ELMOD1: variants seen among roughly 807,000 people sequenced by gnomAD.
ELMOD1 encodes the protein ELMO domain containing 1.
Under a neutral mutation model 46.7 loss-of-function variants are expected in ELMOD1, and 21 were observed. The observed-to-expected ratio is 0.45, with a 90% CI of 0.32 to 0.65. The LOEUF (loss-of-function observed/expected upper bound fraction) is 0.65, where lower values mean the gene tolerates loss of function less well. Ranked by LOEUF, ELMOD1 falls within the 30% of genes least tolerant of loss-of-function variation. The pLI is 0.04. For missense variants in ELMOD1, 348 were observed against 407.8 expected, an observed-to-expected ratio of 0.85 and a Z score of 1.26; for synonymous variants, 122 against 138.2, an observed-to-expected ratio of 0.88 and a Z score of 0.82.
intron 6 of ELMOD1, among the ~76,000 whole-genome samples, chr11:107,641,679 C>T (rs568167484): frequency 6.6e-6 from 1 of 152,232 alleles, no homozygotes; most frequent in South Asian, 2.1e-4. Flanking sequence ...GAAGGTAAAT[C>T]CTGTCCAAGT....
intron 10 of ELMOD1, 38 bp downstream of exon 10, chr11:107,654,260 G>A (rs1289057119): frequency 1.9e-6 from 3 of 1,548,116 alleles, no homozygotes; most frequent in Non-Finnish European, 2.6e-6. Context: ...TGGTCCGTCT[G>A]AAACAGAACC....
At chr11:107,638,732 A>T (rs541353163) in intron 6 of ELMOD1, among the ~76,000 whole-genome samples, 2 of 152,362 alleles carry the variant, frequency 1.3e-5, no homozygotes, top group Admixed American at 1.3e-4. Flanking sequence ...GTACAGCCAC[A>T]TGCATTTGTG....
intron 2 of ELMOD1, chr11:107,623,178 A>G (rs1865982069): frequency 6.6e-6 from 1 of 150,824 alleles, no homozygotes; most frequent in Admixed American, 6.6e-5. Flanking sequence ...TCCTGTGTCC[A>G]TACACACATA....
intron 8 of ELMOD1, 61 bp downstream of exon 8, chr11:107,650,464 T>G: frequency 8.8e-7 from 1 of 1,142,558 alleles, no homozygotes. Context: ...GAACTTCATC[T>G]CCTACATGTA....
At chr11:107,630,660 G>A in intron 3 of ELMOD1, 40 bp from the exon 4 acceptor site, 1 of 1,605,286 alleles carries the variant, frequency 6.2e-7, no homozygotes, top group South Asian at 1.1e-5. Flanking sequence ...ATGTGTAAAG[G>A]ATAATCTTTG....
intron 10 of ELMOD1, among the ~76,000 whole-genome samples, chr11:107,654,764 G>A (rs1416369486): frequency 1.9e-4 from 24 of 123,520 alleles, no homozygotes; most frequent in African/African-American, 5.1e-4. Context: ...GCGAGACTCC[G>A]TCTCAAAAAA....
At chr11:107,623,825 A>C (rs762397626) in intron 2 of ELMOD1, 1 of 152,178 alleles carries the variant, frequency 6.6e-6, no homozygotes, top group Non-Finnish European at 1.5e-5. Context: ...TTCCACTGCC[A>C]TATCTCCCAC....
At chr11:107,605,148 A>T (rs1344128379) in intron 1 of ELMOD1, among the ~76,000 whole-genome samples, 1 of 152,010 alleles carries the variant, frequency 6.6e-6, no homozygotes, top group East Asian at 1.9e-4. Context: ...TATGTATTTT[A>T]AAATCTCCTT....
At chr11:107,643,324 AC>A in intron 6 of ELMOD1, 1 of 215,146 alleles carries the variant, frequency 4.6e-6, no homozygotes, top group Non-Finnish European at 9.2e-6. Flanking sequence ...CTGAGATCAC[AC>A]CAGTGCACTC....
intron 8 of ELMOD1, among the ~76,000 whole-genome samples, 199 bp downstream of exon 8, chr11:107,650,602 G>A (rs563123810): frequency 2.6e-5 from 4 of 152,254 alleles, no homozygotes; most frequent in East Asian, 1.9e-4. Context: ...AAGTGGCACC[G>A]TTCAGGTGAG....
At chr11:107,592,124 G>A in intron 1 of ELMOD1, 1 of 376,794 alleles carries the variant, frequency 2.7e-6, no homozygotes, top group South Asian at 2.1e-5. Context: ...TTCCAAGTGT[G>A]GGTACGGGCT....
chr11:107,640,131 G>A (rs966066044), intron 6 of ELMOD1, among the ~76,000 whole-genome samples: 1 of 152,124 alleles, frequency 6.6e-6, no homozygotes, highest in Non-Finnish European at 1.5e-5. Context: ...AGCCTCCTGA[G>A]TAGCTGGGAT....
chr11:107,621,906 A>G (rs1865956056), intron 2 of ELMOD1, among the ~76,000 whole-genome samples: 1 of 152,164 alleles, frequency 6.6e-6, no homozygotes, highest in South Asian at 2.1e-4. Context: ...GGGTGCCTGT[A>G]ATCCCAGCTA....
At chr11:107,599,297 A>T (rs892861842) in intron 1 of ELMOD1, among the ~76,000 whole-genome samples, 1 of 152,212 alleles carries the variant, frequency 6.6e-6, no homozygotes, top group Non-Finnish European at 1.5e-5. Flanking sequence ...AACATTTATG[A>T]AATTAGGAAG....
intron 5 of ELMOD1, among the ~76,000 whole-genome samples, chr11:107,633,553 C>T (rs1447683473): frequency 1.3e-5 from 2 of 152,144 alleles, no homozygotes; most frequent in Non-Finnish European, 2.9e-5. Context: ...CTGCCTCAGC[C>T]TCCCAAGTAG....
chr11:107,617,843 G>C (rs766855451), intron 1 of ELMOD1, among the ~76,000 whole-genome samples: 4 of 152,106 alleles, frequency 2.6e-5, no homozygotes, highest in Non-Finnish European at 4.4e-5. Flanking sequence ...CCAAAATAAA[G>C]GAAAAGACTG....
chr11:107,636,407 G>A (rs769450515), intron 6 of ELMOD1, among the ~76,000 whole-genome samples: 5 of 152,120 alleles, frequency 3.3e-5, no homozygotes, highest in Non-Finnish European at 7.4e-5. Context: ...TGGGGCTAAA[G>A]AAATTAAGAC....
chr11:107,613,809 CTT>C (rs1231397118), intron 1 of ELMOD1, among the ~76,000 whole-genome samples: 1 of 152,124 alleles, frequency 6.6e-6, no homozygotes, highest in Non-Finnish European at 1.5e-5. Flanking sequence ...TGACAAAGAG[CTT>C]TTGTTATGAA....
At chr11:107,596,655 ACAT>A (rs1438894270) in intron 1 of ELMOD1, among the ~76,000 whole-genome samples, 1 of 152,182 alleles carries the variant, frequency 6.6e-6, no homozygotes, top group Non-Finnish European at 1.5e-5. Flanking sequence ...CCTATTATGT[ACAT>A]CATTAGTCAT....
Sources: allele counts gnomAD v4.1 joint callset (sites outside exome capture counted in the v4.1 genomes callset), GRCh38; gene constraint gnomAD v4.1.1; transcripts MANE v1.5; gene names NCBI Gene and HGNC (gene_info 2026-07-23, HGNC 2026-07-21).